Variants in FNIP1 observed in about 807,000 individuals in gnomAD.
The protein encoded by FNIP1 is folliculin interacting protein 1.
Under a neutral mutation model 124.5 loss-of-function variants are expected in FNIP1, and 40 were observed. That is an observed-to-expected ratio of 0.32 (90% CI 0.25 to 0.42). FNIP1 has a LOEUF of 0.42. Ranked by LOEUF, FNIP1 falls within the 10% of genes least tolerant of loss-of-function variation. The pLI, the probability that FNIP1 is intolerant of heterozygous loss-of-function variation, is 1.00. For missense variants in FNIP1, 1,176 were observed against 1,403.7 expected, an observed-to-expected ratio of 0.84 and a Z score of 2.59; for synonymous variants, 472 against 470.6, an observed-to-expected ratio of 1.00 and a Z score of -0.04.
At chr5:131,693,301 T>C (rs1768549285) in intron 11 of FNIP1, among the ~76,000 whole-genome samples, 1 of 25,620 alleles carries the variant, frequency 3.9e-5, no homozygotes, top group Non-Finnish European at 1.0e-4. Context: ...TATATACATA[T>C]ATATATATAT....
intron 11 of FNIP1, among the ~76,000 whole-genome samples, chr5:131,682,137 G>A (rs1249441542): frequency 1.3e-5 from 2 of 151,906 alleles, no homozygotes; most frequent in African/African-American, 4.8e-5. Flanking sequence ...AAGAAACAAT[G>A]TATAAATAAA....
intron 1 of FNIP1, among the ~76,000 whole-genome samples, chr5:131,764,989 G>A (rs1443309153): frequency 6.6e-6 from 1 of 152,134 alleles, no homozygotes; most frequent in Non-Finnish European, 1.5e-5. Context: ...TTGGGAGGTT[G>A]AGACAGGAGG....
chr5:131,660,208 C>G (rs1561641417), intron 15 of FNIP1, among the ~76,000 whole-genome samples: 1 of 152,056 alleles, frequency 6.6e-6, no homozygotes, highest in Non-Finnish European at 1.5e-5. Context: ...GTCCAGGCTA[C>G]AGTTTAAATG....
intron 10 of FNIP1, among the ~76,000 whole-genome samples, chr5:131,701,372 C>A (rs757980213): frequency 1.2e-4 from 19 of 152,112 alleles, no homozygotes; most frequent in Non-Finnish European, 2.5e-4. Context: ...TTCTATAATG[C>A]CTATTTCAAG....
At chr5:131,732,262 G>A (rs1322089862) in intron 2 of FNIP1, among the ~76,000 whole-genome samples, 1 of 152,156 alleles carries the variant, frequency 6.6e-6, no homozygotes, top group African/African-American at 2.4e-5. Context: ...ACTGAAGACT[G>A]AATGTTTTCT....
rs1395758711 is a variant in FNIP1, at chr5:131,749,555, C to T, written c.93-4865G>A. Among the ~76,000 whole-genome samples, 14 of 152,116 alleles carry T rather than the reference C, an allele frequency of 9.2e-5. No homozygotes were observed. In the East Asian group the frequency reaches 2.7e-3, roughly 29 times the overall value. ...TACAGGCGTGTGCCATCATGCCTGG[C>T]TAATTTTTATATTTTTAGTAGACAT... On this transcript the variant is annotated intron_variant, in intron 1 of 17. Coordinates refer to ENST00000510461, the MANE Select transcript of FNIP1 (RefSeq NM_133372.3).
intron 3 of FNIP1, among the ~76,000 whole-genome samples, chr5:131,728,796 C>T (rs1444705748): frequency 3.3e-5 from 5 of 152,126 alleles, no homozygotes; most frequent in Non-Finnish European, 5.9e-5. Context: ...CTTTTATGCT[C>T]GTTTTTCCTC....
rs544194641 is a variant in FNIP1, at chr5:131,755,420, T to TAA, written c.93-10732_93-10731dup. On this transcript the variant is annotated intron_variant, in intron 1 of 17. Coordinates refer to ENST00000510461, the MANE Select transcript of FNIP1 (RefSeq NM_133372.3). The stretch of plus-strand genomic sequence containing the variant: ...CAGGTGACAGAGCAAGACTCAATCT[T>TAA]AAAAAAAAAAAAAACGAAGAAGAAG... Among the ~76,000 whole-genome samples, 706 of 118,942 alleles carry TAA rather than the reference T, an allele frequency of 5.9e-3. 9 individuals carry two copies. The highest frequency in any genetic ancestry group is 0.02 in the African/African-American group (655 of 33,348). 78.0% of individuals were successfully genotyped at this position (118,942 alleles called of 152,430 possible).
rs1397644911 is a variant in FNIP1, at chr5:131,716,634, TG to T, written c.552del (p.Phe184LeufsTer9). The T allele has an allele frequency of 6.2e-7, 1 of 1,602,498 alleles. No individual in the cohort carries two copies. Among genetic ancestry groups the T allele is most frequent in the Non-Finnish European group, 8.5e-7 (1 of 1,174,802 alleles). ...SLNTLQDSLE[F>X]INQDNNTLKA... ...TTTAATGTATTGTTGTCCTGATTGA[TG>T]AATTCAAGACTATCTTGTAGCCTAT... On this transcript the variant is annotated frameshift_variant, in exon 6 of 18. Coordinates refer to ENST00000510461, the MANE Select transcript of FNIP1 (RefSeq NM_133372.3). LOFTEE classifies it high-confidence loss of function.
intron 15 of FNIP1, among the ~76,000 whole-genome samples, chr5:131,663,995 T>A (rs1767520447): frequency 6.6e-6 from 1 of 152,210 alleles, no homozygotes; most frequent in Non-Finnish European, 1.5e-5. Flanking sequence ...TGTCTTAACC[T>A]AAAAGAGTAA....
At chr5:131,768,371 G>C (rs952989497) in intron 1 of FNIP1, among the ~76,000 whole-genome samples, 3 of 151,810 alleles carry the variant, frequency 2.0e-5, no homozygotes, top group African/African-American at 7.3e-5. Flanking sequence ...ATATACCTGT[G>C]AACTTAAAAA....
At chr5:131,794,623 A>G (rs1333252800) in intron 1 of FNIP1, among the ~76,000 whole-genome samples, 2 of 152,150 alleles carry the variant, frequency 1.3e-5, no homozygotes, top group Non-Finnish European at 2.9e-5. Context: ...ACAATGGAAT[A>G]CCATTCAGTG....
chr5:131,736,913 T>C (rs866086089), intron 2 of FNIP1, among the ~76,000 whole-genome samples: 6 of 152,224 alleles, frequency 3.9e-5, no homozygotes, highest in African/African-American at 1.4e-4. Context: ...TTTACTCTTA[T>C]TCGGTTCAGA....
chr5:131,734,212 TTC>T (rs1214314380), intron 2 of FNIP1, among the ~76,000 whole-genome samples: 1 of 152,188 alleles, frequency 6.6e-6, no homozygotes, highest in Non-Finnish European at 1.5e-5. Context: ...TATTTGATTC[TTC>T]TCTCTTTTCT....
chr5:131,735,282 G>C (rs1025482354), intron 2 of FNIP1, among the ~76,000 whole-genome samples: 2 of 151,978 alleles, frequency 1.3e-5, no homozygotes, highest in Non-Finnish European at 2.9e-5. Context: ...ACACACGAAG[G>C]GGAACATCAC....
At chr5:131,727,987 G>A (rs1769943042) in intron 3 of FNIP1, among the ~76,000 whole-genome samples, 1 of 152,188 alleles carries the variant, frequency 6.6e-6, no homozygotes, top group Non-Finnish European at 1.5e-5. Context: ...TTTTCTTTAA[G>A]AACGTTGAAT....
chr5:131,773,727 A>G (rs1421070254), intron 1 of FNIP1, among the ~76,000 whole-genome samples: 19 of 152,224 alleles, frequency 1.2e-4, no homozygotes, highest in Admixed American at 1.2e-3. Context: ...GAAATTTAAT[A>G]TTCTGACAAC....
chr5:131,679,088 G>A lies in FNIP1; in HGVS notation c.1290C>T (p.His430=). 1 of 1,612,894 alleles carries A rather than the reference G, an allele frequency of 6.2e-7. No homozygotes were observed. Among genetic ancestry groups the A allele is most frequent in the Non-Finnish European group, 8.5e-7 (1 of 1,179,296 alleles). The stretch of plus-strand genomic sequence containing the variant: ...ACTCCTTCATGAAACGATAGCAAAG[G>A]TGGTTCTTTTCTGGAGTCCCCGACA... ...TMMSGTPEKN[H]LCYRFMKEFT... is the part of the protein sequence containing the mutation. The change falls in exon 12 of 18, where the codon CAC becomes CAT. Residue 430 remains histidine, a synonymous_variant. Coordinates refer to ENST00000510461, the MANE Select transcript of FNIP1 (RefSeq NM_133372.3).
chr5:131,730,919 C>G lies in FNIP1; in HGVS notation c.339G>C (p.Gln113His). ...SVTSSSDIKD[Q>H]CLKYQGSRCS... ...ATGATCTTACCTGGTACTTAAGACA[C>G]TGGTCTTTTATATCAGAAGATGAAG... Residue 113 changes from glutamine (Q) to histidine (H), a missense_variant, in exon 3 of 18, where the codon CAG becomes CAC. Gln to His is a conservative substitution (Grantham distance 24). Transcript: ENST00000510461. 2 of 1,603,640 alleles carry G rather than the reference C, an allele frequency of 1.2e-6. No homozygotes were observed. The highest frequency in any genetic ancestry group is 4.5e-5 in the East Asian group (2 of 44,740).
Sources: gnomAD v4.1 joint callset for allele counts (sites outside exome capture counted in the v4.1 genomes callset) on GRCh38, gnomAD v4.1.1 for gene constraint, MANE v1.5 for transcripts, NCBI Gene and HGNC (gene_info 2026-07-23, HGNC 2026-07-21) for gene names.